The following CNTN3 variants were observed in gnomAD, a reference collection of about 807,000 sequenced individuals.
The protein encoded by CNTN3 is contactin 3.
CNTN3 carries 60 observed loss-of-function variants against 119.1 expected under a neutral mutation model. The observed-to-expected ratio is 0.50, with a 90% confidence interval of 0.41 to 0.62. CNTN3 has a LOEUF of 0.62. Among genes scored for constraint, CNTN3 ranks in the 20% least tolerant of loss-of-function variants. CNTN3 has a pLI of 0.00. For synonymous variants in CNTN3, 450 were observed against 438.7 expected (o/e 1.03, Z -0.32); for missense variants, 1,101 against 1,242.4 (o/e 0.89, Z 1.71).
intron 20 of CNTN3, among the ~76,000 whole-genome samples, chr3:74,282,499 T>C (rs959134095): frequency 3.9e-5 from 6 of 152,196 alleles, no homozygotes. Context: ...GCTGCTCCTA[T>C]GTGCTGGGTT....
At chr3:74,356,689 C>A (rs1703942290) in intron 11 of CNTN3, among the ~76,000 whole-genome samples, 1 of 151,992 alleles carries the variant, frequency 6.6e-6, no homozygotes, top group Non-Finnish European at 1.5e-5. Flanking sequence ...CAGGATAAGC[C>A]TTTGTTATCT....
rs374230535 is a variant in CNTN3, at chr3:74,432,391, A to C, written c.359-7451T>G. Among the ~76,000 whole-genome samples the C allele has an allele frequency of 1.2e-4, 18 of 152,232 alleles. No homozygotes were observed. The East Asian group carries it at 3.3e-3, about 28-fold the overall frequency. ...ACTAACAAGAGCCAATGAGCTAAAA[A>C]AAAAAAAAAAATCACAAAAAAATCT... On this transcript the variant is annotated intron_variant, in intron 4 of 22. Coordinates refer to ENST00000263665, the MANE Select transcript of CNTN3 (RefSeq NM_020872.3).
At chr3:74,313,288 C>T (rs868148681) in intron 13 of CNTN3, among the ~76,000 whole-genome samples, 4 of 152,122 alleles carry the variant, frequency 2.6e-5, no homozygotes, top group South Asian at 2.1e-4. Context: ...GAGTTTCACT[C>T]TAATAATGTC....
intron 1 of CNTN3, among the ~76,000 whole-genome samples, chr3:74,574,172 T>G (rs1258588008): frequency 6.6e-6 from 1 of 152,178 alleles, no homozygotes. Flanking sequence ...GAAAACATTA[T>G]GCTCAGTGAG....
At chr3:74,557,381 T>C (rs1704086659) in intron 1 of CNTN3, among the ~76,000 whole-genome samples, 1 of 152,110 alleles carries the variant, frequency 6.6e-6, no homozygotes, top group African/African-American at 2.4e-5. Flanking sequence ...TGTGATGGCA[T>C]TTTGAAAATA....
Position 74,582,250 on chromosome 3 carries a change from C to CA in CNTN3, c.-81+32140dup, listed in dbSNP as rs748479177. On this transcript the variant is annotated intron_variant, in intron 1 of 22. Coordinates refer to ENST00000263665, the MANE Select transcript of CNTN3 (RefSeq NM_020872.3). ...TGAAACTCCGTCTCCACTAAAAATA[C>CA]AAAAAATTAGCTGGGTATGGTGGCG... is the stretch of plus-strand genomic sequence containing the variant. Among the ~76,000 whole-genome samples the CA allele has an allele frequency of 7.9e-4, 120 of 151,982 alleles. 1 individual carries two copies. Among genetic ancestry groups the CA allele is most frequent in the Admixed American group, 2.6e-4 (4 of 15,272 alleles).
chr3:74,371,398 TTC>T lies in CNTN3; in HGVS notation c.455-1_455del, dbSNP rs1345919889. The stretch of plus-strand genomic sequence containing the variant: ...CATTGAAGATCCAAGCATATGACAG[TTC>T]TAATAAAATTGTTGAAGAGAGAAAG... On this transcript the variant is annotated splice_acceptor_variant and coding_sequence_variant, in exon 6 of 23. Coordinates refer to ENST00000263665, the MANE Select transcript of CNTN3 (RefSeq NM_020872.3). LOFTEE classifies it high-confidence loss of function. 1 of 1,610,782 alleles carries T rather than the reference TTC, an allele frequency of 6.2e-7. No individual in the cohort carries two copies. The highest frequency in any genetic ancestry group is 1.1e-5 in the South Asian group (1 of 91,016).
chr3:74,529,475 T>TA (rs200370660), intron 1 of CNTN3, among the ~76,000 whole-genome samples: 1 of 148,460 alleles, frequency 6.7e-6, no homozygotes, highest in African/African-American at 2.4e-5. Context: ...CTTTTAGAAT[T>TA]AAAATGTTTT....
intron 6 of CNTN3, among the ~76,000 whole-genome samples, 194 bp downstream of exon 6, chr3:74,371,002 G>T (rs1458938724): frequency 2.0e-5 from 3 of 152,062 alleles, no homozygotes; most frequent in African/African-American, 7.2e-5. Context: ...TATGAAGCTT[G>T]CCCGGGGTAA....
intron 4 of CNTN3, among the ~76,000 whole-genome samples, chr3:74,476,081 G>A (rs961734049): frequency 6.6e-6 from 1 of 152,122 alleles, no homozygotes; most frequent in African/African-American, 2.4e-5. Context: ...AAATATAGGT[G>A]TTAGCTAAGC....
At chr3:74,325,221 A>G (rs977756712) in intron 13 of CNTN3, among the ~76,000 whole-genome samples, 1 of 152,130 alleles carries the variant, frequency 6.6e-6, no homozygotes, top group Admixed American at 6.5e-5. Flanking sequence ...CTTTTAAATT[A>G]ATATCCTATA....
intron 5 of CNTN3, among the ~76,000 whole-genome samples, chr3:74,406,937 A>T (rs1705339560): frequency 6.6e-6 from 1 of 152,134 alleles, no homozygotes. Context: ...TAAAATGATA[A>T]CTCTACCTTG....
chr3:74,339,063 T>A (rs976370644), intron 11 of CNTN3, among the ~76,000 whole-genome samples: 4 of 152,074 alleles, frequency 2.6e-5, no homozygotes, highest in African/African-American at 9.7e-5. Context: ...CTAATGAGCA[T>A]GTAATAATAA....
intron 20 of CNTN3, among the ~76,000 whole-genome samples, chr3:74,270,133 C>G (rs1340750949): frequency 6.6e-6 from 1 of 152,160 alleles, no homozygotes; most frequent in East Asian, 1.9e-4. Flanking sequence ...GATTATGCTT[C>G]TCTGCCTAGC....
At chr3:74,458,241 G>T (rs1466366896) in intron 4 of CNTN3, among the ~76,000 whole-genome samples, 1 of 151,956 alleles carries the variant, frequency 6.6e-6, no homozygotes, top group Non-Finnish European at 1.5e-5. Context: ...AACTTATAAA[G>T]TCATTAATAA....
At chr3:74,431,078 A>G (rs986504602) in intron 4 of CNTN3, among the ~76,000 whole-genome samples, 2 of 152,134 alleles carry the variant, frequency 1.3e-5, no homozygotes, top group African/African-American at 4.8e-5. Flanking sequence ...AAAAATTCAC[A>G]TGGACCATTT....
At chr3:74,353,773 AT>A (rs1414946665) in intron 11 of CNTN3, among the ~76,000 whole-genome samples, 3 of 152,084 alleles carry the variant, frequency 2.0e-5, no homozygotes, top group Non-Finnish European at 4.4e-5. Flanking sequence ...AAATTAATTA[AT>A]TAATTAAATA....
At chr3:74,360,649 C>T (rs1381283185) in intron 11 of CNTN3, among the ~76,000 whole-genome samples, 1 of 152,104 alleles carries the variant, frequency 6.6e-6, no homozygotes, top group Non-Finnish European at 1.5e-5. Context: ...AGAAGGGTTG[C>T]ATTCCTTCTG....
At chr3:74,553,023 G>GT (rs1463560755) in intron 1 of CNTN3, among the ~76,000 whole-genome samples, 1 of 152,104 alleles carries the variant, frequency 6.6e-6, no homozygotes, top group Non-Finnish European at 1.5e-5. Context: ...TGCCATGGTG[G>GT]TTTGCTGCAC....
Sources: allele counts gnomAD v4.1 joint callset (sites outside exome capture counted in the v4.1 genomes callset), GRCh38; gene constraint gnomAD v4.1.1; transcripts MANE v1.5; gene names NCBI Gene and HGNC (gene_info 2026-07-23, HGNC 2026-07-21).